ZAN: variants seen among roughly 807,000 people sequenced by gnomAD.
ZAN encodes zonadhesin (gene/pseudogene).
Under a neutral mutation model 286.2 loss-of-function variants are expected in ZAN, and 260 were observed. The observed-to-expected ratio is 0.91, with a 90% CI of 0.82 to 1.01. The LOEUF is 1.01. Ranked by LOEUF, ZAN falls within the 50% of genes least tolerant of loss-of-function variation. ZAN has a pLI of 0.00. For missense variants in ZAN, 3,410 were observed against 3,639.2 expected (o/e 0.94, Z 1.62); for synonymous variants, 1,368 against 1,417.5 (o/e 0.97, Z 0.79).
intron 30 of ZAN, 107 bp from the exon 31 acceptor site, chr7:100,773,614 G>C: frequency 6.5e-7 from 1 of 1,538,968 alleles, no homozygotes; most frequent in Non-Finnish European, 8.8e-7. Flanking sequence ...GGCCAAGGCT[G>C]GGGGGCGAGG....
At chr7:100,755,455 C>T (rs766324307) in intron 15 of ZAN, 45 bp downstream of exon 15, 3 of 1,591,270 alleles carry the variant, frequency 1.9e-6, no homozygotes, top group South Asian at 2.3e-5. Flanking sequence ...AGATTGATGG[C>T]AGAACACCTG....
chr7:100,758,439 G>C, intron 16 of ZAN, 92 bp from the exon 17 acceptor site: 2 of 1,576,324 alleles, frequency 1.3e-6, no homozygotes, highest in Non-Finnish European at 8.6e-7. Flanking sequence ...AGGATTGGGG[G>C]CCTGCCACCG....
At chr7:100,748,884 T>A (rs1340748544) in intron 11 of ZAN, among the ~76,000 whole-genome samples, 1 of 148,886 alleles carries the variant, frequency 6.7e-6, no homozygotes, top group Non-Finnish European at 1.5e-5. Flanking sequence ...AATTTTTTTT[T>A]AATTAGCTAG....
In ZAN at chr7:100,737,112, G is replaced by A. The variant is rs775137866; in HGVS notation, c.525+32G>A. 1.4e-5 allele frequency: 20 copies of A among 1,474,330 alleles called. 3 individuals carry two copies. In the African/African-American group the frequency reaches 1.6e-4, roughly 12 times the overall value. 91.3% of individuals were successfully genotyped at this position (1,474,330 alleles called of 1,614,324 possible). Reference sequence around the variant, plus strand: ...CCGGGGACAAATTGTGGGACCTCGGGGGGGAGTCTGGGTGTTGGAGAGCCT... The same window carrying A: ...CCGGGGACAAATTGTGGGACCTCGGAGGGGAGTCTGGGTGTTGGAGAGCCT... On this transcript the variant is annotated intron_variant, in intron 5 of 47. Transcript: ENST00000613979.
chr7:100,792,814 T>C (rs573419358), intron 42 of ZAN, among the ~76,000 whole-genome samples: 1 of 151,700 alleles, frequency 6.6e-6, no homozygotes, highest in African/African-American at 2.4e-5. Flanking sequence ...TGTTCTAATG[T>C]TGCAGACCCT....
chr7:100,758,016 G>T (rs570859116), intron 15 of ZAN, among the ~76,000 whole-genome samples, 186 bp from the exon 16 acceptor site: 1 of 151,410 alleles, frequency 6.6e-6, no homozygotes, highest in East Asian at 1.9e-4. Context: ...AGCCCAGGGG[G>T]TCAAGGCTGC....
chr7:100,761,635 A>G (rs1809587297), intron 19 of ZAN, among the ~76,000 whole-genome samples: 1 of 151,956 alleles, frequency 6.6e-6, no homozygotes, highest in Non-Finnish European at 1.5e-5. Context: ...CCCTATCTCT[A>G]AAATAAATAA....
At chr7:100,739,252 T>C (rs1257959844) in intron 7 of ZAN, among the ~76,000 whole-genome samples, 1 of 136,236 alleles carries the variant, frequency 7.3e-6, no homozygotes, top group Non-Finnish European at 1.6e-5. Context: ...CCTCAAGTGG[T>C]CCACCTGCCT....
intron 29 of ZAN, 31 bp from the exon 30 acceptor site, chr7:100,773,254 C>T: frequency 1.2e-6 from 2 of 1,606,890 alleles, no homozygotes; most frequent in African/African-American, 1.3e-5. Context: ...ACATGCCACC[C>T]CACTCTTCCT....
Position 100,778,518 on chromosome 7 carries a change from C to T in ZAN, c.6318-928C>T, listed in dbSNP as rs59058808. On this transcript the variant is annotated intron_variant, in intron 34 of 47. Transcript: ENST00000613979. ...AGCTACTCACAAGGCTGAGGTGGGA[C>T]GATCCCTTGGGCCTGGGAGATTGAA... 6.8e-3 allele frequency among the ~76,000 whole-genome samples: 1,036 copies of T among 151,846 alleles called. 11 individuals are homozygous for T. The highest frequency in any genetic ancestry group is 0.022 in the African/African-American group (921 of 41,400).
At position 100,763,284 on chromosome 7, in the gene ZAN, T is replaced by TA. The variant is rs938180615; in HGVS notation, c.3987-516dup. 2.6e-5 allele frequency among the ~76,000 whole-genome samples: 4 copies of TA among 152,132 alleles called. No homozygotes were observed. Among genetic ancestry groups the TA allele is most frequent in the Non-Finnish European group, 5.9e-5 (4 of 68,016 alleles). Reference sequence around the variant, plus strand: ...CCACACCCAGCCTGTGCCCTCCCTTTAAAAAATGACTGGCATTGCCCCTTT... The same window carrying TA: ...CCACACCCAGCCTGTGCCCTCCCTTTAAAAAAATGACTGGCATTGCCCCTTT... On this transcript the variant is annotated intron_variant, in intron 20 of 47. Transcript: ENST00000613979. This position sits in a 1 kb window ranked among gnomAD's most constrained non-coding sequence, Gnocchi z 4.6.
In ZAN at chr7:100,767,210, A is replaced by G; in HGVS notation, c.4813A>G (p.Thr1605Ala). 1 of 1,612,998 alleles carries G rather than the reference A, an allele frequency of 6.2e-7. No individual in the cohort carries two copies. The highest frequency in any genetic ancestry group is 1.6e-4 in the Middle Eastern group (1 of 6,062). ...CTCCTACATCAAAGCCGTCCACGTG[A>G]CAGTCTTTGACCTCAGCATCTCACT... ...EVSYIKAVHV[T>A]VFDLSISLLR... Residue 1605 changes from threonine to alanine, a missense_variant, in exon 25 of 48, where the codon ACA becomes GCA. By Grantham distance (58) the Thr-to-Ala change is moderately conservative (BLOSUM62 0). Transcript: ENST00000613979.
chr7:100,783,763 A>AAAAAAATATATAT (rs1562952263), intron 35 of ZAN, among the ~76,000 whole-genome samples: 1 of 7,482 alleles, frequency 1.3e-4, no homozygotes, highest in Non-Finnish European at 2.3e-4. Flanking sequence ...AAAAAAAAAA[A>AAAAAAATATATAT]ATATATATAT....
rs778811701 is a variant in ZAN at position 100,752,554 on chromosome 7, A to G, written c.2449A>G (p.Ile817Val). The G allele has an allele frequency of 1.2e-6, 2 of 1,613,106 alleles. No individual in the cohort carries two copies. The highest frequency in any genetic ancestry group is 1.7e-6 in the Non-Finnish European group (2 of 1,179,742). The change falls in exon 14 of 48, where the codon ATC (isoleucine) becomes GTC (valine). Residue 817 changes from isoleucine to valine, a missense_variant. Physicochemically the swap from Ile to Val is conservative, Grantham distance 29 (BLOSUM62 3). Transcript: ENST00000613979. ...CACCATCTCCACAGAAAAACCCAGC[A>G]TCCCCATGGAAAAACCCACTCTCCC... ...ETTISTEKPS[I>V]PMEKPTLPTE...
chr7:100,760,336 G>A, intron 18 of ZAN, 55 bp from the exon 19 acceptor site: 1 of 1,594,362 alleles, frequency 6.3e-7, no homozygotes, highest in East Asian at 2.3e-5. Context: ...AAGTCTGCTG[G>A]GGTCCTCCTT....
At chr7:100,765,672 C>A (rs574798150) in intron 23 of ZAN, 118 bp downstream of exon 23, 3 of 1,305,298 alleles carry the variant, frequency 2.3e-6, no homozygotes, top group Non-Finnish European at 3.1e-6. Flanking sequence ...GTTTTTGAGA[C>A]GGAGTTTTGC....
chr7:100,768,721 G>A lies in ZAN; in HGVS notation c.5153G>A (p.Gly1718Asp), dbSNP rs762251560. ...AAGTTACCTGAATCCTCTGAACCTG[G>A]GTGAGCTGGGGGTCAGGGGAGCCAG... ...AWKLPESSEP[G>D]CFLVGGKPSS... Residue 1718 changes from glycine to aspartate, a missense_variant and splice_region_variant, in exon 27 of 48, where the codon GGC (glycine) becomes GAC (aspartate). Physicochemically the swap from Gly to Asp is moderately conservative, Grantham distance 94. Transcript: ENST00000613979. 6.3e-7 allele frequency: 1 copy of A among 1,591,156 alleles called. No individual in the cohort carries two copies. Among genetic ancestry groups the A allele is most frequent in the East Asian group, 2.3e-5 (1 of 43,860 alleles).
rs750871139 is a variant in ZAN, at chr7:100,753,212, C to A, written c.3107C>A (p.Thr1036Asn). 5 of 1,599,758 alleles carry A rather than the reference C, an allele frequency of 3.1e-6. No individual in the cohort carries two copies. The highest frequency in any genetic ancestry group is 4.3e-6 in the Non-Finnish European group (5 of 1,172,552). ...MTSVILGTTT[T>N]SRSSTERCPP... is the part of the protein sequence containing the mutation. ...AGTGTGATTCTGGGCACTACCACAA[C>A]CTCCAGATCCAGTACAGGTATGAGG... The change falls in exon 14 of 48, where the codon ACC becomes AAC. Residue 1036 changes from threonine (T) to asparagine (N), a missense_variant. Physicochemically the swap from Thr to Asn is moderately conservative, Grantham distance 65. Around this residue, in one of 7 missense-constraint regions of ZAN, gnomAD observed 1,042 missense variants for 1,058.0 expected, o/e 0.98. Coordinates refer to ENST00000613979, the MANE Select transcript of ZAN (RefSeq NM_003386.3).
At chr7:100,751,675 T>C in intron 13 of ZAN, 37 bp from the exon 14 acceptor site, 1 of 1,544,728 alleles carries the variant, frequency 6.5e-7, no homozygotes, top group Non-Finnish European at 8.7e-7. Context: ...TGGTATGGTT[T>C]TGACTAAACT....
Sources: gnomAD v4.1 joint callset for allele counts (sites outside exome capture counted in the v4.1 genomes callset) on GRCh38, gnomAD v4.1.1 for gene constraint, gnomAD v4.1.1 regional missense constraint, Gnocchi (gnomAD v3.1) non-coding constraint, MANE v1.5 for transcripts, NCBI Gene and HGNC (gene_info 2026-07-23, HGNC 2026-07-21) for gene names.